The following ASIC2 variants were observed in gnomAD, a reference collection of about 807,000 sequenced individuals.
The protein encoded by ASIC2 is acid-sensing ion channel 2.
A neutral mutation model predicts 57.3 loss-of-function variants in ASIC2; 25 were observed. The ratio of observed to expected loss-of-function variants is 0.44; its 90% confidence interval spans 0.32 to 0.61. The LOEUF (loss-of-function observed/expected upper bound fraction) is 0.61. Ranked by LOEUF, ASIC2 falls within the 20% of genes least tolerant of loss-of-function variation. The pLI, the probability that ASIC2 is intolerant of heterozygous loss-of-function variation, is 0.06. For synonymous variants in ASIC2, 319 were observed against 307.5 expected, an observed-to-expected ratio of 1.04 and a Z score of -0.39; for missense variants, 641 against 738.1, an observed-to-expected ratio of 0.87 and a Z score of 1.52.
rs1389665390 is a variant in ASIC2, at chr17:33,708,280, C to G, written c.555+447698G>C. ...TTGGTTGGCTTCTTGTTTTACCCAC[C>G]CAGCAACCTTATGGGCATTTTATTT... On this transcript the variant is annotated intron_variant, in intron 1 of 9. Transcript: ENST00000359872. 6.6e-5 allele frequency among the ~76,000 whole-genome samples: 10 copies of G among 152,322 alleles called. No individual in the cohort carries two copies. The East Asian group carries it at 1.9e-3, about 29-fold the overall frequency.
chr17:33,375,714 T>A (rs1909252020), intron 1 of ASIC2, among the ~76,000 whole-genome samples: 1 of 151,934 alleles, frequency 6.6e-6, no homozygotes, highest in Admixed American at 6.6e-5. Context: ...GGGGAGGTGG[T>A]GAGAAGTAGT....
At position 33,291,536 on chromosome 17, in the gene ASIC2, A is replaced by G. The variant is rs1157168519; in HGVS notation, c.580T>C (p.Phe194Leu). 1.2e-6 allele frequency: 2 copies of G among 1,612,314 alleles called. No individual in the cohort carries two copies. The highest frequency in any genetic ancestry group is 1.7e-6 in the Non-Finnish European group (2 of 1,179,702). The change falls in exon 1 of 10, where the codon TTC becomes CTC. Residue 194 changes from phenylalanine (F) to leucine (L), a missense_variant. Transcript: ENST00000225823. Reference protein sequence around the residue: ...WFRKLADFRLFLPPRHFEGIS... With the variant: ...WFRKLADFRLLLPPRHFEGIS... Reference sequence around the variant, plus strand: ...CCCTCGAAGTGGCGCGGAGGCAGGAAGAGGCGGAAGTCCGCCAGCTTGCGG... The same window carrying G: ...CCCTCGAAGTGGCGCGGAGGCAGGAGGAGGCGGAAGTCCGCCAGCTTGCGG...
intron 1 of ASIC2, among the ~76,000 whole-genome samples, chr17:33,971,975 CA>C (rs1487695252): frequency 6.6e-6 from 1 of 152,148 alleles, no homozygotes; most frequent in East Asian, 1.9e-4. Flanking sequence ...AGCGTTCTTA[CA>C]GTTACTAAGT....
chr17:34,007,408 A>G (rs1029018714), intron 1 of ASIC2, among the ~76,000 whole-genome samples: 4 of 152,180 alleles, frequency 2.6e-5, no homozygotes, highest in Non-Finnish European at 5.9e-5. Flanking sequence ...CTGACTGCCA[A>G]CCCAGCACAC....
intron 1 of ASIC2, among the ~76,000 whole-genome samples, chr17:33,214,362 A>C (rs1421202834): frequency 1.3e-5 from 2 of 152,238 alleles, no homozygotes; most frequent in East Asian, 3.9e-4. Flanking sequence ...CTGACTTCTC[A>C]GTGGCTGCAG....
At chr17:33,347,090 G>C (rs2142244021) in intron 1 of ASIC2, among the ~76,000 whole-genome samples, 1 of 152,228 alleles carries the variant, frequency 6.6e-6, no homozygotes, top group East Asian at 1.9e-4. Context: ...AAGGAGGAAT[G>C]GACGGTGAGT....
intron 1 of ASIC2, among the ~76,000 whole-genome samples, chr17:33,152,696 G>C (rs1351064105): frequency 6.6e-6 from 1 of 152,222 alleles, no homozygotes; most frequent in East Asian, 1.9e-4. Context: ...CCCAAAGGGA[G>C]TTCTGCTACT....
At chr17:33,918,004 A>C (rs928979328) in intron 1 of ASIC2, among the ~76,000 whole-genome samples, 1 of 151,900 alleles carries the variant, frequency 6.6e-6, no homozygotes, top group African/African-American at 2.4e-5. Flanking sequence ...GAATAACGTG[A>C]ACTCTCATTC....
intron 1 of ASIC2, among the ~76,000 whole-genome samples, chr17:33,482,855 T>C (rs947948130): frequency 4.6e-5 from 7 of 152,232 alleles, no homozygotes; most frequent in African/African-American, 9.6e-5. Context: ...GCAATGAGAA[T>C]TGTGATTGAA....
chr17:33,455,018 C>T (rs1369359973), intron 1 of ASIC2, among the ~76,000 whole-genome samples: 5 of 152,294 alleles, frequency 3.3e-5, no homozygotes, highest in East Asian at 1.9e-4. Flanking sequence ...ACAATAGCAG[C>T]GATATACACA....
chr17:34,001,549 G>C (rs1906339553), intron 1 of ASIC2: 1 of 152,808 alleles, frequency 6.5e-6, no homozygotes, highest in African/African-American at 2.4e-5. Flanking sequence ...AAGAGAACTG[G>C]GGTGGGTCTG....
chr17:33,103,393 A>G (rs925941284), intron 2 of ASIC2, among the ~76,000 whole-genome samples: 36 of 152,228 alleles, frequency 2.4e-4, no homozygotes, highest in African/African-American at 7.0e-4. Context: ...AGATGGTGTT[A>G]CAGCTGGGAT....
Position 33,682,060 on chromosome 17 carries a change from C to CTTTTTTTTT in ASIC2, c.555+473909_555+473917dup, listed in dbSNP as rs58085265. On this transcript the variant is annotated intron_variant, in intron 1 of 9. Coordinates refer to the ASIC2 transcript ENST00000359872. ...CCACACAGGATGGCATCAGTGACAT[C>CTTTTTTTTT]TTTTTTTTTTTTTTTTTGAGACAGA... Among the ~76,000 whole-genome samples, 13 of 122,780 alleles carry CTTTTTTTTT rather than the reference C, an allele frequency of 1.1e-4. 1 individual carries two copies. Among genetic ancestry groups the CTTTTTTTTT allele is most frequent in the African/African-American group, 2.7e-4 (8 of 29,878 alleles). 80.5% of individuals were successfully genotyped at this position (122,780 alleles called of 152,430 possible).
intron 1 of ASIC2, among the ~76,000 whole-genome samples, chr17:34,113,159 T>C (rs1911325987): frequency 6.6e-6 from 1 of 152,136 alleles, no homozygotes; most frequent in African/African-American, 2.4e-5. Flanking sequence ...GTGAGTAGAC[T>C]GCAACCCCAA....
At chr17:33,832,866 G>A (rs1232573617) in intron 1 of ASIC2, among the ~76,000 whole-genome samples, 3 of 152,154 alleles carry the variant, frequency 2.0e-5, no homozygotes. Context: ...TGTTTCCTTT[G>A]TGCTGTTTGA....
intron 1 of ASIC2, among the ~76,000 whole-genome samples, chr17:34,043,367 C>A (rs1908213467): frequency 6.6e-6 from 1 of 152,080 alleles, no homozygotes; most frequent in Non-Finnish European, 1.5e-5. Flanking sequence ...TGTGGCTAAA[C>A]AAATGCCTTA....
chr17:33,737,227 T>C (rs1597855478), intron 1 of ASIC2, among the ~76,000 whole-genome samples: 1 of 152,390 alleles, frequency 6.6e-6, no homozygotes, highest in East Asian at 1.9e-4. Context: ...GGATTGCTGA[T>C]CAAAAAATAG....
intron 1 of ASIC2, among the ~76,000 whole-genome samples, chr17:33,994,569 G>T (rs1164195593): frequency 1.3e-5 from 2 of 152,166 alleles, no homozygotes; most frequent in South Asian, 2.1e-4. Flanking sequence ...ATGAGAATTT[G>T]CTAGCAGGCC....
intron 1 of ASIC2, among the ~76,000 whole-genome samples, chr17:33,958,218 G>A (rs778612762): frequency 1.2e-4 from 18 of 152,174 alleles, no homozygotes; most frequent in Non-Finnish European, 1.9e-4. Flanking sequence ...TTTTCCAGGT[G>A]CACGATGCAA....
Sources: gnomAD v4.1 joint callset for allele counts (sites outside exome capture counted in the v4.1 genomes callset) on GRCh38, gnomAD v4.1.1 for gene constraint, MANE v1.5 for transcripts, NCBI Gene and HGNC (gene_info 2026-07-23, HGNC 2026-07-21) for gene names.